Variants in TRPA1 observed in about 807,000 individuals in gnomAD.
The protein encoded by TRPA1 is ankyrin-like with transmembrane domains 1.
A neutral mutation model predicts 131.3 loss-of-function variants in TRPA1; 129 were observed. That is an observed-to-expected ratio of 0.98 (90% CI 0.85 to 1.14). The LOEUF is 1.14. Ranked by LOEUF, TRPA1 falls within the 50% of genes most tolerant of loss-of-function variation. TRPA1 has a pLI of 0.00. For synonymous variants in TRPA1, 441 were observed against 451.7 expected (o/e 0.98, Z 0.30); for missense variants, 1,304 against 1,354.2 (o/e 0.96, Z 0.58).
At chr8:72,069,958 C>T (rs1011148477) in intron 2 of TRPA1, among the ~76,000 whole-genome samples, 2 of 152,128 alleles carry the variant, frequency 1.3e-5, no homozygotes, top group African/African-American at 4.8e-5. Context: ...ACTAATAAAC[C>T]ACAGGACTAG....
chr8:72,032,352 G>T (rs1811857480), intron 23 of TRPA1, among the ~76,000 whole-genome samples: 1 of 152,196 alleles, frequency 6.6e-6, no homozygotes, highest in South Asian at 2.1e-4. Flanking sequence ...CAGCAATTTG[G>T]ATGAGGAACT....
chr8:72,069,562 T>C (rs914758831), intron 2 of TRPA1, among the ~76,000 whole-genome samples: 9 of 152,210 alleles, frequency 5.9e-5, no homozygotes, highest in Non-Finnish European at 1.3e-4. Flanking sequence ...CACATGACCA[T>C]TATTTCATTC....
intron 14 of TRPA1, 163 bp downstream of exon 14, chr8:72,052,430 TAAATAA>T: frequency 1.4e-6 from 1 of 720,384 alleles, no homozygotes; most frequent in Non-Finnish European, 2.1e-6. Flanking sequence ...TAAAAATAAA[TAAATAA>T]AAATAAAAAA....
At chr8:72,033,299 C>T (rs1811901658) in intron 23 of TRPA1, among the ~76,000 whole-genome samples, 1 of 152,224 alleles carries the variant, frequency 6.6e-6, no homozygotes, top group South Asian at 2.1e-4. Flanking sequence ...AACCCCATGA[C>T]ATTATGCTAC....
In TRPA1 at chr8:72,023,883, C is replaced by G; in HGVS notation, c.3080G>C (p.Gly1027Ala). 6.3e-7 allele frequency: 1 copy of G among 1,595,056 alleles called. No individual in the cohort carries two copies. The highest frequency in any genetic ancestry group is 8.6e-7 in the Non-Finnish European group (1 of 1,163,382). The change falls in exon 26 of 27, where the codon GGG (glycine) becomes GCG (alanine). Residue 1027 changes from glycine (G) to alanine (A), a missense_variant. By Grantham distance (60) the Gly-to-Ala change is moderately conservative (BLOSUM62 0). Coordinates refer to ENST00000262209, the MANE Select transcript of TRPA1 (RefSeq NM_007332.3). ...FHIFCFLFCTGEIRQEIPNAD... is the reference protein window; with the variant it reads ...FHIFCFLFCTAEIRQEIPNAD... ...ATTTGGTATTTCTTGTCTTATTTCC[C>G]CAGTGCAAAATAAAAAACAGAATAT...
At chr8:72,051,373 T>A (rs1214552284) in intron 14 of TRPA1, among the ~76,000 whole-genome samples, 1 of 152,134 alleles carries the variant, frequency 6.6e-6, no homozygotes, top group East Asian at 1.9e-4. Flanking sequence ...CATTCCAGAT[T>A]TTGCCCATTT....
At chr8:72,056,744 C>G (rs1157619690) in intron 10 of TRPA1, among the ~76,000 whole-genome samples, 173 bp downstream of exon 10, 1 of 152,074 alleles carries the variant, frequency 6.6e-6, no homozygotes, top group African/African-American at 2.4e-5. Flanking sequence ...TAATCATCAC[C>G]ACCACCACCA....
At chr8:72,086,180 C>T in the TRPA1 span, among the ~76,000 whole-genome samples, 4 of 152,258 alleles carry the variant, frequency 2.6e-5, no homozygotes, top group African/African-American at 7.2e-5. Context: ...GGATTACAGG[C>T]GTGAGCCACC....
At chr8:72,047,270 A>G in intron 15 of TRPA1, 63 bp from the exon 16 acceptor site, 2 of 1,226,900 alleles carry the variant, frequency 1.6e-6, no homozygotes, top group Non-Finnish European at 2.4e-6. Flanking sequence ...GAAAGATTTT[A>G]TCCTATTTCT....
chr8:72,054,201 T>C (rs1805602340), intron 12 of TRPA1: 1 of 307,488 alleles, frequency 3.3e-6, no homozygotes, highest in African/African-American at 2.2e-5. Context: ...AATGAACTGA[T>C]ACACATCAAT....
At chr8:72,071,063 A>G (rs1348298701) in intron 2 of TRPA1, among the ~76,000 whole-genome samples, 1 of 152,292 alleles carries the variant, frequency 6.6e-6, no homozygotes, top group East Asian at 1.9e-4. Flanking sequence ...TATTGACTTT[A>G]TACACCAATA....
chr8:72,039,590 C>T, intron 18 of TRPA1, 137 bp downstream of exon 18: 1 of 630,624 alleles, frequency 1.6e-6, no homozygotes. Context: ...ATTTGCCTTA[C>T]TTATTTCTTC....
chr8:72,068,052 G>A (rs116053273), intron 3 of TRPA1, among the ~76,000 whole-genome samples: 252 of 152,262 alleles, frequency 1.7e-3, no homozygotes, highest in African/African-American at 5.5e-3. Flanking sequence ...ACGTGTTAAG[G>A]ATTTTAATAG....
intron 24 of TRPA1, among the ~76,000 whole-genome samples, chr8:72,028,486 T>A (rs2129432829): frequency 6.6e-6 from 1 of 152,316 alleles, no homozygotes. Context: ...CAACCATCTT[T>A]CAACACTGAC....
At chr8:72,042,817 A>C (rs1812298547) in intron 17 of TRPA1, among the ~76,000 whole-genome samples, 2 of 151,934 alleles carry the variant, frequency 1.3e-5, no homozygotes, top group Non-Finnish European at 2.9e-5. Flanking sequence ...AAAAGTACAA[A>C]TACTGTAAGA....
At chr8:72,042,502 T>C (rs994902962) in intron 17 of TRPA1, among the ~76,000 whole-genome samples, 1 of 151,838 alleles carries the variant, frequency 6.6e-6, no homozygotes, top group Admixed American at 6.6e-5. Context: ...GAAAACAGTA[T>C]TGGGGTTCCT....
chr8:72,083,256 G>C, the TRPA1 span, among the ~76,000 whole-genome samples: 1 of 151,968 alleles, frequency 6.6e-6, no homozygotes, highest in Non-Finnish European at 1.5e-5. Flanking sequence ...TAGCTGATTT[G>C]AAATACTTAA....
intron 6 of TRPA1, chr8:72,062,361 A>T (rs1388929918): frequency 5.5e-6 from 1 of 183,326 alleles, no homozygotes; most frequent in African/African-American, 2.4e-5. Flanking sequence ...GATGCCTGCC[A>T]TAAGGTCAGA....
intron 2 of TRPA1, among the ~76,000 whole-genome samples, chr8:72,071,047 G>A (rs184581361): frequency 9.2e-5 from 14 of 152,022 alleles, no homozygotes; most frequent in Admixed American, 4.6e-4. Flanking sequence ...TTTTGCTGTC[G>A]AGCACTATTG....
Sources: gnomAD v4.1 joint callset for allele counts (sites outside exome capture counted in the v4.1 genomes callset) on GRCh38, gnomAD v4.1.1 for gene constraint, MANE v1.5 for transcripts, NCBI Gene and HGNC (gene_info 2026-07-23, HGNC 2026-07-21) for gene names.